Variants in BCL2L13 observed in about 807,000 individuals in gnomAD.
BCL2L13 encodes BCL2 like 13, also known as bcl-2-like protein 13.
BCL2L13 carries 13 observed loss-of-function variants against 25.8 expected under a neutral mutation model. That is an observed-to-expected ratio of 0.50 (90% confidence interval 0.33 to 0.80). The LOEUF (loss-of-function observed/expected upper bound fraction) is 0.80. Among genes scored for constraint, BCL2L13 ranks in the 30% least tolerant of loss-of-function variants. The pLI is 0.02. For missense variants in BCL2L13, 504 were observed against 574.9 expected (o/e 0.88, Z 1.26); for synonymous variants, 244 against 230.3 (o/e 1.06, Z -0.54).
chr22:17,637,047 C>T (rs1437828747), upstream of BCL2L13, among the ~76,000 whole-genome samples: 4 of 151,322 alleles, frequency 2.6e-5, no homozygotes, highest in Non-Finnish European at 3.0e-5. Flanking sequence ...CTGAGGCAGG[C>T]GGATCTCTTG....
intron 1 of BCL2L13, among the ~76,000 whole-genome samples, chr22:17,654,394 C>T (rs1002457100): frequency 1.3e-5 from 2 of 150,740 alleles, no homozygotes; most frequent in African/African-American, 2.4e-5. Context: ...TGAGCCAGCA[C>T]ACCTAGCTTT....
At chr22:17,689,996 G>A (rs2060059133) in intron 4 of BCL2L13, among the ~76,000 whole-genome samples, 2 of 151,972 alleles carry the variant, frequency 1.3e-5, no homozygotes, top group South Asian at 4.2e-4. Flanking sequence ...AAAGCTAAAG[G>A]CAAGAAGCTA....
At chr22:17,709,251 C>CA (rs1232855135) in intron 6 of BCL2L13, among the ~76,000 whole-genome samples, 5 of 150,566 alleles carry the variant, frequency 3.3e-5, no homozygotes, top group South Asian at 4.2e-4. Flanking sequence ...CAAAACAAAA[C>CA]AAAAAAAAGA....
intron 6 of BCL2L13, among the ~76,000 whole-genome samples, chr22:17,704,395 T>C (rs2060529020): frequency 6.6e-6 from 1 of 152,062 alleles, no homozygotes; most frequent in African/African-American, 2.4e-5. Flanking sequence ...TTCATTAATA[T>C]TTCAAATGTG....
intron 1 of BCL2L13, among the ~76,000 whole-genome samples, chr22:17,641,112 G>C (rs1282717548): frequency 2.0e-5 from 3 of 151,818 alleles, no homozygotes; most frequent in African/African-American, 7.3e-5. Flanking sequence ...GGATGGTCTC[G>C]ATCTCCTGAC....
intron 2 of BCL2L13, among the ~76,000 whole-genome samples, chr22:17,670,501 A>G (rs1248111979): frequency 6.6e-6 from 1 of 151,438 alleles, no homozygotes; most frequent in Non-Finnish European, 1.5e-5. Flanking sequence ...CAGCCTCCCA[A>G]GTAGCTGGGA....
At chr22:17,680,991 T>C (rs1366899385) in intron 2 of BCL2L13, among the ~76,000 whole-genome samples, 1 of 151,774 alleles carries the variant, frequency 6.6e-6, no homozygotes, top group Non-Finnish European at 1.5e-5. Flanking sequence ...AACACATTAG[T>C]GGGGTGGGGC....
intron 2 of BCL2L13, among the ~76,000 whole-genome samples, chr22:17,682,929 C>T (rs1010779378): frequency 4.6e-5 from 7 of 152,060 alleles, no homozygotes; most frequent in Non-Finnish European, 1.0e-4. Flanking sequence ...GTCAGGAGTT[C>T]GAGACCAGCC....
At chr22:17,711,150 A>G (rs1185283211) in intron 6 of BCL2L13, among the ~76,000 whole-genome samples, 2 of 151,632 alleles carry the variant, frequency 1.3e-5, no homozygotes, top group African/African-American at 4.8e-5. Flanking sequence ...TGAGCCCAGG[A>G]TTTTCAGGCT....
chr22:17,697,231 G>C (rs2060292029), intron 5 of BCL2L13, among the ~76,000 whole-genome samples: 1 of 152,094 alleles, frequency 6.6e-6, no homozygotes, highest in Non-Finnish European at 1.5e-5. Flanking sequence ...CTGAGGTTGA[G>C]AGTTTGCAAC....
intron 2 of BCL2L13, among the ~76,000 whole-genome samples, chr22:17,674,110 T>G (rs1428291786): frequency 6.6e-6 from 1 of 152,174 alleles, no homozygotes; most frequent in Non-Finnish European, 1.5e-5. Context: ...TTTTTAAGTG[T>G]TAAACTTTGT....
intron 5 of BCL2L13, among the ~76,000 whole-genome samples, chr22:17,700,086 T>G (rs2060386876): frequency 6.6e-6 from 1 of 152,036 alleles, no homozygotes; most frequent in Admixed American, 6.6e-5. Context: ...ACCAACCGCA[T>G]AGAAAATGTC....
At chr22:17,639,404 T>C (rs1191136330) in intron 1 of BCL2L13, among the ~76,000 whole-genome samples, 1 of 152,230 alleles carries the variant, frequency 6.6e-6, no homozygotes, top group Non-Finnish European at 1.5e-5. Flanking sequence ...AGAAAAAAAC[T>C]GCCTTCTTGC....
Position 17,724,054 on chromosome 22 carries a change from C to T in BCL2L13, c.601-2623C>T, listed in dbSNP as rs554176964. ...TTGGGACACTGAGGTGGGAGAATTG[C>T]TTGAAGCCAGGAGTTTGAGACCAGC... On this transcript the variant is annotated intron_variant, in intron 6 of 6. Transcript: ENST00000317582. Among the ~76,000 whole-genome samples the T allele has an allele frequency of 3.3e-5, 5 of 152,232 alleles. No individual in the cohort carries two copies. The South Asian group carries it at 1.0e-3, about 32-fold the overall frequency.
At chr22:17,672,086 A>G (rs966444559) in intron 2 of BCL2L13, among the ~76,000 whole-genome samples, 3 of 152,224 alleles carry the variant, frequency 2.0e-5, no homozygotes, top group African/African-American at 7.2e-5. Flanking sequence ...TTAATGAACA[A>G]TTGAACCATT....
rs918953233 is a variant in BCL2L13, at chr22:17,728,226, C to G, written c.*692C>G. ...TCACCCCCAGGTTCCTGCTAAGATC[C>G]CACGGGCGAGGGCTTGCTCTGGACT... On this transcript the variant is annotated 3_prime_UTR_variant, in exon 7 of 7. Transcript: ENST00000317582. The G allele has an allele frequency of 2.7e-5, 4 of 149,844 alleles. No homozygotes were observed. The highest frequency in any genetic ancestry group is 1.0e-4 in the African/African-American group (4 of 39,580). 9.3% of individuals were successfully genotyped at this position (149,844 alleles called of 1,614,324 possible).
At chr22:17,632,607 C>A (rs1181261353) in intron 1 of BCL2L13, among the ~76,000 whole-genome samples, 1 of 152,048 alleles carries the variant, frequency 6.6e-6, no homozygotes, top group African/African-American at 2.4e-5. Flanking sequence ...CTGCAAATGA[C>A]AGGATTTGGG....
intron 2 of BCL2L13, among the ~76,000 whole-genome samples, chr22:17,675,050 A>G (rs997028318): frequency 6.7e-5 from 10 of 148,248 alleles, no homozygotes; most frequent in Non-Finnish European, 8.9e-5. Context: ...TGGGAAAGCC[A>G]AATACATACA....
At chr22:17,706,930 C>T in intron 6 of BCL2L13, 1 of 839,436 alleles carries the variant, frequency 1.2e-6, no homozygotes, top group East Asian at 5.2e-5. Flanking sequence ...TGTCATCTGT[C>T]TATTGTAATA....
Sources: gnomAD v4.1 joint callset for allele counts (sites outside exome capture counted in the v4.1 genomes callset) on GRCh38, gnomAD v4.1.1 for gene constraint, MANE v1.5 for transcripts, NCBI Gene and HGNC (gene_info 2026-07-23, HGNC 2026-07-21) for gene names.